Variants in CCDC141 observed in about 807,000 individuals in gnomAD.
CCDC141 encodes coiled-coil domain containing 141, also known as coiled-coil domain-containing protein 141.
A neutral mutation model predicts 181.0 loss-of-function variants in CCDC141; 168 were observed. That is an observed-to-expected ratio of 0.93 (90% CI 0.82 to 1.05). The LOEUF is 1.05. Ranked by LOEUF, CCDC141 falls within the 50% of genes least tolerant of loss-of-function variation. CCDC141 has a pLI of 0.00. For synonymous variants in CCDC141, 666 were observed against 642.3 expected (o/e 1.04, Z -0.56); for missense variants, 1,902 against 1,788.5 (o/e 1.06, Z -1.14).
rs1684692770 is a variant in CCDC141, at chr2:178,840,969, T to C, written c.3475-3225A>G. ...TAAACATGTTTGTTTCTAGAGTTGT[T>C]TACTTTCCAGATGGTAAGTAATCAG... On this transcript the variant is annotated intron_variant, in intron 22 of 23. Coordinates refer to ENST00000443758, the MANE Select transcript of CCDC141 (RefSeq NM_173648.4). Among the ~76,000 whole-genome samples, 4 of 152,358 alleles carry C rather than the reference T, an allele frequency of 2.6e-5. 1 individual carries two copies. The South Asian group carries it at 8.3e-4, about 32-fold the overall frequency.
intron 20 of CCDC141, among the ~76,000 whole-genome samples, chr2:178,850,985 C>CG (rs1685139571): frequency 2.6e-5 from 4 of 152,108 alleles, no homozygotes; most frequent in Non-Finnish European, 4.4e-5. Context: ...GTGGGCAGAT[C>CG]ACTTGAGGTC....
the CCDC141 span, among the ~76,000 whole-genome samples, chr2:178,824,170 A>T: frequency 6.6e-6 from 1 of 152,172 alleles, no homozygotes; most frequent in African/African-American, 2.4e-5. Context: ...ACTCTGCTAT[A>T]TAATTTTGAT....
At chr2:178,958,449 T>C (rs991091793) in intron 5 of CCDC141, among the ~76,000 whole-genome samples, 5 of 152,076 alleles carry the variant, frequency 3.3e-5, no homozygotes, top group Non-Finnish European at 5.9e-5. Context: ...TCAATTTTGC[T>C]CTGAACTTAA....
intron 4 of CCDC141, among the ~76,000 whole-genome samples, chr2:178,965,837 C>T (rs1690604555): frequency 6.6e-6 from 1 of 152,268 alleles, no homozygotes. Context: ...AGTTCCCACC[C>T]CCAGAGAGCC....
At chr2:178,968,877 C>T (rs756050949) in intron 4 of CCDC141, among the ~76,000 whole-genome samples, 21 of 151,680 alleles carry the variant, frequency 1.4e-4, no homozygotes, top group Non-Finnish European at 2.4e-4. Context: ...ATGAAATAGG[C>T]ACAATAAAAA....
At position 178,951,326 on chromosome 2, in the gene CCDC141, T is replaced by C. The variant is rs117479665; in HGVS notation, c.781-6675A>G. Among the ~76,000 whole-genome samples, 50 of 152,320 alleles carry C rather than the reference T, an allele frequency of 3.3e-4. No individual in the cohort carries two copies. In the East Asian group the frequency reaches 9.3e-3, roughly 28 times the overall value. ...GACAGACCGACAGGCAGTACAGAACTACTTAGGAGTGGGACCAAAGTTTGA... is the reference window on the plus strand; with the variant it reads ...GACAGACCGACAGGCAGTACAGAACCACTTAGGAGTGGGACCAAAGTTTGA... On this transcript the variant is annotated intron_variant, in intron 5 of 23. Coordinates refer to ENST00000443758, the MANE Select transcript of CCDC141 (RefSeq NM_173648.4).
intron 4 of CCDC141, among the ~76,000 whole-genome samples, chr2:178,963,716 G>A (rs902511820): frequency 6.6e-6 from 1 of 151,878 alleles, no homozygotes; most frequent in Non-Finnish European, 1.5e-5. Context: ...TTGTAAAAAG[G>A]CATTTTGAGA....
At chr2:179,037,015 T>G (rs556876319) in intron 2 of CCDC141, among the ~76,000 whole-genome samples, 91 of 152,368 alleles carry the variant, frequency 6.0e-4, no homozygotes, top group African/African-American at 2.1e-3. Flanking sequence ...ACCTATCCCA[T>G]AGAACCTCCC....
At chr2:179,010,722 T>C (rs528100696) in intron 2 of CCDC141, among the ~76,000 whole-genome samples, 2 of 152,040 alleles carry the variant, frequency 1.3e-5, no homozygotes, top group South Asian at 2.1e-4. Flanking sequence ...ATAGGACCTA[T>C]AAAACAAAAA....
At position 178,886,835 on chromosome 2, in the gene CCDC141, A is replaced by C; in HGVS notation, c.1444T>G (p.Ser482Ala). The change falls in exon 10 of 24, where the codon TCT becomes GCT. Residue 482 changes from serine to alanine, a missense_variant. Physicochemically the swap from Ser to Ala is moderately conservative, Grantham distance 99. Coordinates refer to ENST00000443758, the MANE Select transcript of CCDC141 (RefSeq NM_173648.4). ...GTAGAACCAACATCCATTGCATTAGAAAGTACTGGACTGATTTTCTGAATT... is the reference window on the plus strand; with the variant it reads ...GTAGAACCAACATCCATTGCATTAGCAAGTACTGGACTGATTTTCTGAATT... The part of the protein sequence containing the change: ...MSIQKISPVL[S>A]NAMDVGSTRS... 1.4e-6 allele frequency: 2 copies of C among 1,466,726 alleles called. No individual in the cohort carries two copies. The highest frequency in any genetic ancestry group is 1.8e-6 in the Non-Finnish European group (2 of 1,112,460). 90.9% of individuals were successfully genotyped at this position (1,466,726 alleles called of 1,614,324 possible).
At chr2:178,820,660 A>AT in the CCDC141 span, among the ~76,000 whole-genome samples, 7 of 152,206 alleles carry the variant, frequency 4.6e-5, no homozygotes. Flanking sequence ...AAATGAAAGA[A>AT]TTTTTTTAAA....
At chr2:178,860,717 A>G (rs1051742694) in intron 17 of CCDC141, among the ~76,000 whole-genome samples, 1 of 151,630 alleles carries the variant, frequency 6.6e-6, no homozygotes, top group African/African-American at 2.4e-5. Context: ...GCCTCCTTCC[A>G]TTTGGCAACC....
intron 7 of CCDC141, among the ~76,000 whole-genome samples, chr2:178,908,345 C>T (rs907922193): frequency 1.3e-5 from 2 of 152,132 alleles, no homozygotes; most frequent in Non-Finnish European, 2.9e-5. Flanking sequence ...TAGGCACACA[C>T]CACCACACCC....
At chr2:178,903,089 T>A (rs1687785729) in intron 8 of CCDC141, among the ~76,000 whole-genome samples, 1 of 145,618 alleles carries the variant, frequency 6.9e-6, no homozygotes, top group African/African-American at 2.5e-5. Context: ...ATGGCAATCA[T>A]TAAAAAGTCA....
chr2:179,003,268 G>A (rs1018499045), intron 2 of CCDC141, among the ~76,000 whole-genome samples: 2 of 152,142 alleles, frequency 1.3e-5, no homozygotes, highest in Admixed American at 6.5e-5. Flanking sequence ...TGGTGGAGAT[G>A]AATTTGCCTT....
intron 3 of CCDC141, 118 bp from the exon 4 acceptor site, chr2:178,975,283 T>C (rs140828210): frequency 2.0e-5 from 11 of 557,736 alleles, no homozygotes; most frequent in African/African-American, 1.5e-4. Context: ...TGTGTGATTA[T>C]GCAAGTGCAT....
chr2:179,039,115 C>T (rs928789699), intron 2 of CCDC141, among the ~76,000 whole-genome samples: 8 of 152,092 alleles, frequency 5.3e-5, no homozygotes, highest in Non-Finnish European at 1.0e-4. Context: ...GAAATCTAGA[C>T]GCCTTTTGGG....
chr2:179,002,448 T>G (rs2042012333), intron 2 of CCDC141: 1 of 392,848 alleles, frequency 2.5e-6, no homozygotes, highest in Admixed American at 2.9e-5. Context: ...GCCTCATCAC[T>G]TGGGGCCCAA....
chr2:178,817,681 C>A, the CCDC141 span: 1 of 380,920 alleles, frequency 2.6e-6, no homozygotes, highest in Non-Finnish European at 5.4e-6. Flanking sequence ...TTGCTTCATA[C>A]TAAAAGGAAA....
Sources: gnomAD v4.1 joint callset for allele counts (sites outside exome capture counted in the v4.1 genomes callset) on GRCh38, gnomAD v4.1.1 for gene constraint, MANE v1.5 for transcripts, NCBI Gene and HGNC (gene_info 2026-07-23, HGNC 2026-07-21) for gene names.